Variants in ST8SIA2 observed in about 807,000 individuals in gnomAD.
The protein encoded by ST8SIA2 is ST8 alpha-N-acetyl-neuraminide alpha-2,8-sialyltransferase 2, also known as alpha-2,8-sialyltransferase 8B.
In ST8SIA2, 22 loss-of-function variants were observed where a neutral mutation model predicts 37.6. That is an observed-to-expected ratio of 0.58 (90% CI 0.42 to 0.83). ST8SIA2 has a LOEUF of 0.83. Ranked by LOEUF, ST8SIA2 falls within the 40% of genes least tolerant of loss-of-function variation. ST8SIA2 has a pLI of 0.00. For synonymous variants in ST8SIA2, 205 were observed against 201.2 expected (o/e 1.02, Z -0.16); for missense variants, 382 against 484.7 (o/e 0.79, Z 1.99).
intron 2 of ST8SIA2, among the ~76,000 whole-genome samples, chr15:92,430,374 T>C (rs1434640811): frequency 1.3e-5 from 2 of 152,176 alleles, no homozygotes; most frequent in East Asian, 3.8e-4. Context: ...CACTTTGTAA[T>C]GCCTGGGACA....
At chr15:92,422,558 A>C (rs751939031) in intron 1 of ST8SIA2, 1 of 152,492 alleles carries the variant, frequency 6.6e-6, no homozygotes, top group Non-Finnish European at 1.5e-5. Flanking sequence ...TCAGGAGTGC[A>C]AAGTGGCCCA....
intron 5 of ST8SIA2, among the ~76,000 whole-genome samples, chr15:92,453,863 T>C (rs1252634432): frequency 1.3e-5 from 2 of 152,198 alleles, no homozygotes; most frequent in Non-Finnish European, 2.9e-5. Flanking sequence ...CTCATAGATT[T>C]GCTCTGTGAG....
chr15:92,452,985 T>A (rs1246824995), intron 5 of ST8SIA2, among the ~76,000 whole-genome samples: 1 of 152,058 alleles, frequency 6.6e-6, no homozygotes, highest in African/African-American at 2.4e-5. Context: ...ATTCAACACA[T>A]CTGAGTCTCT....
chr15:92,396,464 G>GTTTTTT (rs1210731943), intron 1 of ST8SIA2, among the ~76,000 whole-genome samples: 1 of 144,118 alleles, frequency 6.9e-6, no homozygotes, highest in Non-Finnish European at 1.5e-5. Context: ...TTGTTTGTTT[G>GTTTTTT]TTTTTGTTTT....
intron 1 of ST8SIA2, among the ~76,000 whole-genome samples, chr15:92,424,564 A>C (rs986254571): frequency 1.3e-5 from 2 of 151,582 alleles, no homozygotes; most frequent in African/African-American, 4.9e-5. Context: ...TACTGTGTAC[A>C]TTCTACTAGG....
In ST8SIA2 at chr15:92,464,488, G is replaced by A. The variant is rs2049979286; in HGVS notation, c.*103G>A. On this transcript the variant is annotated 3_prime_UTR_variant, in exon 6 of 6. Coordinates refer to ENST00000268164, the MANE Select transcript of ST8SIA2 (RefSeq NM_006011.4). ...AAACAATAGAACAAGCAGGCTAGTG[G>A]TTTTCTTTGTTAAAGTGTAAAACAG... 7.5e-7 allele frequency: 1 copy of A among 1,325,226 alleles called. No individual in the cohort carries two copies. The highest frequency in any genetic ancestry group is 1.7e-5 in the Admixed American group (1 of 58,560). The allele number at this position is 1,325,226 out of a possible 1,614,324, so 82.1% of individuals were successfully genotyped here.
intron 1 of ST8SIA2, among the ~76,000 whole-genome samples, chr15:92,414,101 C>T (rs1044983005): frequency 6.6e-6 from 1 of 152,234 alleles, no homozygotes; most frequent in African/African-American, 2.4e-5. Flanking sequence ...GAACACAAGC[C>T]AGCCTCCCCG....
At chr15:92,394,245 T>C (rs2049412779) in intron 1 of ST8SIA2, 83 bp downstream of exon 1, 2 of 1,204,484 alleles carry the variant, frequency 1.7e-6, no homozygotes, top group South Asian at 2.6e-5. Context: ...CCGACCCCCT[T>C]TGTGTGCGCC....
Position 92,438,628 on chromosome 15 carries a change from G to GT in ST8SIA2, c.548+18_548+19insT. 9 of 1,591,960 alleles carry GT rather than the reference G, an allele frequency of 5.7e-6. No homozygotes were observed. The highest frequency in any genetic ancestry group is 7.7e-6 in the Non-Finnish European group (9 of 1,169,066). On this transcript the variant is annotated intron_variant, in intron 4 of 5. Transcript: ENST00000268164. ...GTCATCAGGTAACATGCCCCAGCAGGCACTCTGGGGCCAGAGCGGCGGGCA... is the reference window on the plus strand; with the variant it reads ...GTCATCAGGTAACATGCCCCAGCAGGTCACTCTGGGGCCAGAGCGGCGGGCA...
At chr15:92,421,177 A>C (rs914177589) in intron 1 of ST8SIA2, 4 of 152,312 alleles carry the variant, frequency 2.6e-5, no homozygotes, top group African/African-American at 9.6e-5. Context: ...GCTTTCAGCA[A>C]GGTCCATGGT....
At chr15:92,462,214 A>G (rs2049962461) in intron 5 of ST8SIA2, among the ~76,000 whole-genome samples, 1 of 152,216 alleles carries the variant, frequency 6.6e-6, no homozygotes, top group Non-Finnish European at 1.5e-5. Context: ...AAGTCACCCC[A>G]GCCCCATAGT....
chr15:92,430,906 A>T (rs1461413503), intron 2 of ST8SIA2, among the ~76,000 whole-genome samples: 1 of 152,198 alleles, frequency 6.6e-6, no homozygotes, highest in African/African-American at 2.4e-5. Context: ...GGTCCATATG[A>T]TGCAGAGGAT....
chr15:92,426,666 A>G (rs1006578166), intron 1 of ST8SIA2, among the ~76,000 whole-genome samples: 2 of 152,216 alleles, frequency 1.3e-5, no homozygotes, highest in Non-Finnish European at 2.9e-5. Flanking sequence ...GTATTGGGCA[A>G]AGTGTACAAA....
At chr15:92,394,260 C>T in intron 1 of ST8SIA2, 98 bp downstream of exon 1, 1 of 1,055,104 alleles carries the variant, frequency 9.5e-7, no homozygotes. Flanking sequence ...TGCGCCGCGC[C>T]CCGCTGTAGC....
intron 3 of ST8SIA2, among the ~76,000 whole-genome samples, chr15:92,437,079 A>G (rs984051939): frequency 6.6e-6 from 1 of 152,234 alleles, no homozygotes; most frequent in African/African-American, 2.4e-5. Context: ...CAGTGTTACT[A>G]TCTGCGAGAT....
At chr15:92,441,577 GCACACACACACACACACA>G (rs112388744) in intron 4 of ST8SIA2, among the ~76,000 whole-genome samples, 15 of 143,364 alleles carry the variant, frequency 1.0e-4, no homozygotes, top group Admixed American at 2.8e-4. Context: ...CACTGTGCAT[GCACACACACACACACACA>G]CACACACACA....
intron 1 of ST8SIA2, among the ~76,000 whole-genome samples, chr15:92,410,715 A>T (rs1223019254): frequency 6.6e-6 from 1 of 152,134 alleles, no homozygotes; most frequent in Non-Finnish European, 1.5e-5. Context: ...GCCATCCCTG[A>T]CCTCCCATGG....
At chr15:92,397,617 T>C (rs1052034588) in intron 1 of ST8SIA2, among the ~76,000 whole-genome samples, 1 of 152,228 alleles carries the variant, frequency 6.6e-6, no homozygotes, top group Admixed American at 6.5e-5. Context: ...TCCCAAGTTT[T>C]AGATCCAATT....
At chr15:92,415,072 T>C (rs774938933) in intron 1 of ST8SIA2, among the ~76,000 whole-genome samples, 1 of 152,166 alleles carries the variant, frequency 6.6e-6, no homozygotes, top group Non-Finnish European at 1.5e-5. Flanking sequence ...CACCTGGGGC[T>C]GTTACCCTTC....
Sources: gnomAD v4.1 joint callset for allele counts (sites outside exome capture counted in the v4.1 genomes callset) on GRCh38, gnomAD v4.1.1 for gene constraint, MANE v1.5 for transcripts, NCBI Gene and HGNC (gene_info 2026-07-23, HGNC 2026-07-21) for gene names.